TRIT1: variants seen among roughly 807,000 people sequenced by gnomAD.
TRIT1 encodes tRNA dimethylallyltransferase.
A neutral mutation model predicts 51.2 loss-of-function variants in TRIT1; 43 were observed. That is an observed-to-expected ratio of 0.84 (90% confidence interval 0.66 to 1.08). The LOEUF (loss-of-function observed/expected upper bound fraction) is 1.08, where lower values mean the gene tolerates loss of function less well. Ranked by LOEUF, TRIT1 falls within the 50% of genes least tolerant of loss-of-function variation. The pLI, the probability that TRIT1 is intolerant of heterozygous loss-of-function variation, is 0.00. For missense variants in TRIT1, 528 were observed against 578.4 expected (o/e 0.91, Z 0.89); for synonymous variants, 184 against 203.9 (o/e 0.90, Z 0.83).
chr1:39,870,795 C>G (rs900292335), intron 1 of TRIT1, among the ~76,000 whole-genome samples: 1 of 152,186 alleles, frequency 6.6e-6, no homozygotes, highest in Non-Finnish European at 1.5e-5. Context: ...CAATCCCACT[C>G]TTAGGTATTT....
intron 8 of TRIT1, 21 bp downstream of exon 8, chr1:39,847,199 A>G (rs553667046): frequency 6.2e-7 from 1 of 1,608,600 alleles, no homozygotes; most frequent in Non-Finnish European, 8.5e-7. Flanking sequence ...CCCATAGGAT[A>G]AAGAAAAACA....
intron 8 of TRIT1, among the ~76,000 whole-genome samples, chr1:39,846,130 G>C (rs1412264351): frequency 2.6e-5 from 4 of 152,224 alleles, no homozygotes; most frequent in Non-Finnish European, 5.9e-5. Context: ...AGGACATGCA[G>C]AGAAAACAGG....
chr1:39,880,820 A>AGGAT (rs1407129378), intron 1 of TRIT1, among the ~76,000 whole-genome samples: 4 of 132,548 alleles, frequency 3.0e-5, no homozygotes, highest in African/African-American at 1.2e-4. Context: ...GAAAAGAAAA[A>AGGAT]AGATAGAAAC....
At chr1:39,854,410 C>T (rs1642771893) in intron 2 of TRIT1, among the ~76,000 whole-genome samples, 1 of 152,198 alleles carries the variant, frequency 6.6e-6, no homozygotes, top group Non-Finnish European at 1.5e-5. Context: ...GTGTCAGCTG[C>T]TCAGGAGGCC....
intron 1 of TRIT1, among the ~76,000 whole-genome samples, chr1:39,882,271 C>A (rs1383661725): frequency 1.3e-5 from 2 of 152,206 alleles, no homozygotes; most frequent in Non-Finnish European, 2.9e-5. Flanking sequence ...ATGGTCTTGT[C>A]ATGCCACATA....
intron 1 of TRIT1, among the ~76,000 whole-genome samples, chr1:39,869,450 C>T (rs371904587): frequency 2.1e-4 from 32 of 152,332 alleles, no homozygotes; most frequent in African/African-American, 7.0e-4. Flanking sequence ...TCTTGGCTCG[C>T]TACAACCTCC....
At chr1:39,864,184 C>A (rs1643403699) in intron 1 of TRIT1, among the ~76,000 whole-genome samples, 1 of 151,854 alleles carries the variant, frequency 6.6e-6, no homozygotes, top group Non-Finnish European at 1.5e-5. Context: ...CTGCACCCAG[C>A]CAGAAACATT....
intron 8 of TRIT1, 144 bp downstream of exon 8, chr1:39,847,076 C>A: frequency 1.7e-6 from 1 of 576,182 alleles, no homozygotes. Flanking sequence ...CCTGGATAAT[C>A]ATTTATGTTA....
intron 4 of TRIT1, 152 bp from the exon 5 acceptor site, chr1:39,850,413 C>G (rs1400414772): frequency 9.3e-7 from 1 of 1,070,286 alleles, no homozygotes; most frequent in African/African-American, 1.6e-5. Flanking sequence ...GTAGTCCCAG[C>G]TACTCAGGAG....
At chr1:39,848,216 T>A in intron 5 of TRIT1, 119 bp from the exon 6 acceptor site, 1 of 700,782 alleles carries the variant, frequency 1.4e-6, no homozygotes, top group South Asian at 1.7e-5. Flanking sequence ...AAGAAAGAAT[T>A]CAGATTCCAA....
intron 1 of TRIT1, among the ~76,000 whole-genome samples, chr1:39,882,218 A>G (rs1312418678): frequency 6.6e-6 from 1 of 152,226 alleles, no homozygotes; most frequent in Non-Finnish European, 1.5e-5. Flanking sequence ...GTAGACTGCA[A>G]ACAAATTATT....
rs762961271 is a variant in TRIT1, at chr1:39,844,618, A to G, written c.1029T>C (p.Pro343=). Residue 343 remains proline, a synonymous_variant, in exon 9 of 11, where the codon CCT becomes CCC. Transcript: ENST00000316891. ...FLSRPGPIVP[P]VYGLEVSDVS... is the part of the protein sequence containing the mutation. ...CATCAGATACCTCTAAGCCATAGAC[A>G]GGGGGGACAATGGGACCAGGTCCTA... The G allele has an allele frequency of 1.9e-6, 3 of 1,613,632 alleles. No individual in the cohort carries two copies. Among genetic ancestry groups the G allele is most frequent in the South Asian group, 2.2e-5 (2 of 91,070 alleles).
At position 39,841,742 on chromosome 1, in the gene TRIT1, T is replaced by A; in HGVS notation, c.*2A>T. ...CTTTCCAAAGGCCACTGGACATGTCTCTTAAACGCTGCATTTCAGCTCTTG... is the reference window on the plus strand; with the variant it reads ...CTTTCCAAAGGCCACTGGACATGTCACTTAAACGCTGCATTTCAGCTCTTG... On this transcript the variant is annotated 3_prime_UTR_variant, in exon 11 of 11. Coordinates refer to ENST00000316891, the MANE Select transcript of TRIT1 (RefSeq NM_017646.6). The A allele has an allele frequency of 6.2e-7, 1 of 1,610,074 alleles. No homozygotes were observed. The highest frequency in any genetic ancestry group is 8.5e-7 in the Non-Finnish European group (1 of 1,178,622).
chr1:39,866,785 A>T (rs973520307), intron 1 of TRIT1, among the ~76,000 whole-genome samples: 1 of 152,190 alleles, frequency 6.6e-6, no homozygotes, highest in African/African-American at 2.4e-5. Flanking sequence ...CAGCCTAGGC[A>T]ACACAAAGAC....
At chr1:39,868,168 G>A (rs1304525346) in intron 1 of TRIT1, among the ~76,000 whole-genome samples, 4 of 150,966 alleles carry the variant, frequency 2.6e-5, no homozygotes, top group Admixed American at 6.6e-5. Flanking sequence ...GGATGGTCTC[G>A]ATCTCCTGAC....
chr1:39,844,740 G>T, intron 8 of TRIT1, 100 bp from the exon 9 acceptor site: 1 of 788,688 alleles, frequency 1.3e-6, no homozygotes, highest in Non-Finnish European at 2.2e-6. Context: ...CAGAGCCAAA[G>T]GAGTAAACAT....
In TRIT1 at chr1:39,880,228, C is replaced by G. The variant is rs1326826648; in HGVS notation, c.174+3090G>C. On this transcript the variant is annotated intron_variant, in intron 1 of 10. Transcript: ENST00000316891. ...GTTATAGCAGTGAGCTATGATCACA[C>G]CACTGCATTCCAGCCGGGGCAACAG... 2.8e-5 allele frequency among the ~76,000 whole-genome samples: 4 copies of G among 143,156 alleles called. No individual in the cohort carries two copies. The East Asian group carries it at 8.1e-4, about 29-fold the overall frequency. 93.9% of individuals were successfully genotyped at this position (143,156 alleles called of 152,430 possible). A position where few individuals can be genotyped will look rare whatever the true frequency, so the allele number is the denominator to read the frequency against.
At position 39,844,563 on chromosome 1, in the gene TRIT1, G is replaced by T. The variant is rs957138977; in HGVS notation, c.1084C>A (p.Pro362Thr). The change falls in exon 9 of 11, where the codon CCT (proline) becomes ACT (threonine). Residue 362 changes from proline (P) to threonine (T), a missense_variant. This residue lies in a region of TRIT1 where 468 missense variants were observed against 522.6 expected (regional missense o/e 0.90). Coordinates refer to ENST00000316891, the MANE Select transcript of TRIT1 (RefSeq NM_017646.6). ...VSKWEESVLE[P>T]ALEIVQSFIQ... is the part of the protein sequence containing the mutation. Reference sequence around the variant, plus strand: ...AAACTTTGCACGATTTCAAGAGCAGGTTCAAGAACAGACTCTTCCCACTTC... The same window carrying T: ...AAACTTTGCACGATTTCAAGAGCAGTTTCAAGAACAGACTCTTCCCACTTC... 3.1e-6 allele frequency: 5 copies of T among 1,613,854 alleles called. No individual in the cohort carries two copies.
At chr1:39,861,170 G>A (rs1053481156) in intron 1 of TRIT1, among the ~76,000 whole-genome samples, 2 of 152,180 alleles carry the variant, frequency 1.3e-5, no homozygotes, top group Admixed American at 1.3e-4. Context: ...AGGATGTAGA[G>A]AAACTGGAAC....
Sources: gnomAD v4.1 joint callset for allele counts (sites outside exome capture counted in the v4.1 genomes callset) on GRCh38, gnomAD v4.1.1 for gene constraint, gnomAD v4.1.1 regional missense constraint, MANE v1.5 for transcripts, NCBI Gene and HGNC (gene_info 2026-07-23, HGNC 2026-07-21) for gene names.